The following CNTLN variants were observed in gnomAD, a reference collection of about 807,000 sequenced individuals.
The protein encoded by CNTLN is centlein.
CNTLN carries 212 observed loss-of-function variants against 180.0 expected under a neutral mutation model. The ratio of observed to expected loss-of-function variants is 1.18; its 90% CI spans 1.05 to 1.32. The LOEUF (loss-of-function observed/expected upper bound fraction) is 1.32. Among genes scored for constraint, CNTLN ranks in the 40% most tolerant of loss-of-function variants. The pLI, the probability that CNTLN is intolerant of heterozygous loss-of-function variation, is 0.00. For missense variants in CNTLN, 2,095 were observed against 1,610.9 expected, an observed-to-expected ratio of 1.30 and a Z score of -5.14; for synonymous variants, 722 against 563.1, an observed-to-expected ratio of 1.28 and a Z score of -3.99.
At chr9:17,194,767 T>C (rs961780988) in intron 2 of CNTLN, among the ~76,000 whole-genome samples, 8 of 152,208 alleles carry the variant, frequency 5.3e-5, no homozygotes, top group African/African-American at 1.9e-4. Flanking sequence ...TACTATATTA[T>C]CTGTTTTCAC....
chr9:17,344,935 C>A (rs571161707), intron 12 of CNTLN, among the ~76,000 whole-genome samples: 2 of 152,248 alleles, frequency 1.3e-5, no homozygotes, highest in African/African-American at 4.8e-5. Flanking sequence ...GTTCTCCTTC[C>A]CTATAGCTTT....
chr9:17,333,499 A>G (rs757152804), intron 10 of CNTLN, among the ~76,000 whole-genome samples: 1 of 152,158 alleles, frequency 6.6e-6, no homozygotes, highest in African/African-American at 2.4e-5. Context: ...ACACATGATT[A>G]GAATGCAGTA....
chr9:17,286,802 CTGTT>C (rs1239137637), intron 6 of CNTLN, among the ~76,000 whole-genome samples: 3 of 115,328 alleles, frequency 2.6e-5, no homozygotes, highest in Non-Finnish European at 3.4e-5. Context: ...ATTTGGCTCT[CTGTT>C]TGTCTGTTGT....
intron 7 of CNTLN, among the ~76,000 whole-genome samples, chr9:17,307,619 T>C (rs1476983924): frequency 6.6e-6 from 1 of 152,126 alleles, no homozygotes; most frequent in African/African-American, 2.4e-5. Flanking sequence ...TTGAGCTAAT[T>C]ATATGCCAGT....
At chr9:17,454,362 A>G (rs1382341574) in intron 18 of CNTLN, among the ~76,000 whole-genome samples, 1 of 152,242 alleles carries the variant, frequency 6.6e-6, no homozygotes, top group Admixed American at 6.5e-5. Context: ...TTAAATTGAA[A>G]TAGATGTTTA....
the CNTLN span, among the ~76,000 whole-genome samples, chr9:17,513,773 G>C: frequency 2.0e-5 from 3 of 151,866 alleles, no homozygotes; most frequent in Non-Finnish European, 2.9e-5. Flanking sequence ...ATTCATAAAA[G>C]TGAAATTATT....
intron 13 of CNTLN, among the ~76,000 whole-genome samples, chr9:17,371,580 A>G (rs1391594463): frequency 6.6e-6 from 1 of 152,178 alleles, no homozygotes; most frequent in African/African-American, 2.4e-5. Context: ...AAATCAACAA[A>G]GAAACATTGG....
At chr9:17,475,688 T>C (rs922026663) in intron 23 of CNTLN, among the ~76,000 whole-genome samples, 4 of 151,912 alleles carry the variant, frequency 2.6e-5, no homozygotes, top group African/African-American at 7.3e-5. Flanking sequence ...CTGGCTAACA[T>C]GGTGAAACTC....
intron 2 of CNTLN, among the ~76,000 whole-genome samples, chr9:17,163,434 A>G (rs1187357408): frequency 6.6e-6 from 1 of 152,226 alleles, no homozygotes; most frequent in Non-Finnish European, 1.5e-5. Flanking sequence ...GATTCATTAG[A>G]TATCATTGGC....
chr9:17,178,666 C>T (rs529400737), intron 2 of CNTLN, among the ~76,000 whole-genome samples: 52 of 146,596 alleles, frequency 3.5e-4, no homozygotes, highest in South Asian at 1.5e-3. Context: ...GCCGGCTGGC[C>T]GGCCGCTCCA....
At chr9:17,353,175 T>A (rs557649899) in intron 12 of CNTLN, among the ~76,000 whole-genome samples, 1 of 151,980 alleles carries the variant, frequency 6.6e-6, no homozygotes, top group East Asian at 1.9e-4. Flanking sequence ...AGGCTAGTCT[T>A]GAACTCCTGG....
chr9:17,415,419 G>A (rs1030696226), intron 16 of CNTLN, among the ~76,000 whole-genome samples: 1 of 152,066 alleles, frequency 6.6e-6, no homozygotes, highest in Non-Finnish European at 1.5e-5. Context: ...AAGTTTTTAA[G>A]CTATCCCTAG....
intron 6 of CNTLN, among the ~76,000 whole-genome samples, chr9:17,296,433 G>A (rs886489167): frequency 2.0e-5 from 3 of 152,032 alleles, no homozygotes; most frequent in Non-Finnish European, 2.9e-5. Context: ...TTCTAACATG[G>A]GAATATAAAT....
chr9:17,158,730 T>G (rs1819472178), intron 2 of CNTLN, among the ~76,000 whole-genome samples: 1 of 152,136 alleles, frequency 6.6e-6, no homozygotes, highest in South Asian at 2.1e-4. Context: ...CTTTTATTTC[T>G]GATTCTCGTA....
chr9:17,428,917 A>T (rs1018440089), intron 18 of CNTLN, among the ~76,000 whole-genome samples: 24 of 151,994 alleles, frequency 1.6e-4, no homozygotes, highest in East Asian at 9.6e-4. Context: ...TTTACTTTTT[A>T]AAAAAATTAT....
rs544186058 is a variant in CNTLN at position 17,379,155 on chromosome 9, C to T, written c.1988-9007C>T. Reference sequence around the variant, plus strand: ...TCTTACTTTGTTCACGTTAGTATAGCGTGCCCCACTTTTTTCCCTCGGCTA... The same window carrying T: ...TCTTACTTTGTTCACGTTAGTATAGTGTGCCCCACTTTTTTCCCTCGGCTA... On this transcript the variant is annotated intron_variant, in intron 13 of 25. Transcript: ENST00000380647. Among the ~76,000 whole-genome samples, 16 of 151,964 alleles carry T rather than the reference C, an allele frequency of 1.1e-4. No individual in the cohort carries two copies. In the East Asian group the frequency reaches 2.1e-3, roughly 20 times the overall value.
chr9:17,246,093 T>A (rs1159066732), intron 5 of CNTLN, among the ~76,000 whole-genome samples: 1 of 152,100 alleles, frequency 6.6e-6, no homozygotes, highest in Non-Finnish European at 1.5e-5. Flanking sequence ...TTGATGCTTG[T>A]GGATATTCAT....
At chr9:17,522,740 C>A in the CNTLN span, among the ~76,000 whole-genome samples, 7 of 151,988 alleles carry the variant, frequency 4.6e-5, no homozygotes, top group Non-Finnish European at 8.8e-5. Flanking sequence ...CTAAAAAAAA[C>A]CCACTTTTTT....
intron 25 of CNTLN, among the ~76,000 whole-genome samples, chr9:17,496,950 G>T (rs919011134): frequency 2.0e-5 from 3 of 152,168 alleles, no homozygotes; most frequent in African/African-American, 4.8e-5. Context: ...TGCTGGCTTT[G>T]TGAGAAGACA....
Sources: allele counts gnomAD v4.1 joint callset (sites outside exome capture counted in the v4.1 genomes callset), GRCh38; gene constraint gnomAD v4.1.1; transcripts MANE v1.5; gene names NCBI Gene and HGNC (gene_info 2026-07-23, HGNC 2026-07-21).